The following DLC1 variants were observed in gnomAD, a reference collection of about 807,000 sequenced individuals.
DLC1 encodes the protein DLC1 Rho GTPase activating protein.
Under a neutral mutation model 140.3 loss-of-function variants are expected in DLC1, and 54 were observed. The ratio of observed to expected loss-of-function variants is 0.38; its 90% CI spans 0.31 to 0.48. The LOEUF (loss-of-function observed/expected upper bound fraction) is 0.48, where lower values mean the gene tolerates loss of function less well. Among genes scored for constraint, DLC1 ranks in the 20% least tolerant of loss-of-function variants. The pLI is 0.96. For missense variants in DLC1, 2,536 were observed against 1,907.0 expected, an observed-to-expected ratio of 1.33 and a Z score of -6.14; for synonymous variants, 986 against 728.1, an observed-to-expected ratio of 1.35 and a Z score of -5.70.
At chr8:13,195,471 T>C (rs1027777808) in intron 5 of DLC1, among the ~76,000 whole-genome samples, 6 of 152,228 alleles carry the variant, frequency 3.9e-5, no homozygotes, top group Non-Finnish European at 8.8e-5. Flanking sequence ...TACAGCTCTT[T>C]GCTACTTAGA....
intron 5 of DLC1, among the ~76,000 whole-genome samples, chr8:13,125,083 TCTC>T (rs1821438126): frequency 6.6e-6 from 1 of 152,066 alleles, no homozygotes; most frequent in Admixed American, 6.5e-5. Context: ...TTCAAGCCAT[TCTC>T]CTTCCTCACC....
rs372558780 is a variant in DLC1 at position 13,402,681 on chromosome 8, T to C, written c.1024-1062A>G. Reference sequence around the variant, plus strand: ...TACATCTTGACAGAAGCCTGAGGGCTATCAGTACAGTGATTGCAGATTGAG... The same window carrying C: ...TACATCTTGACAGAAGCCTGAGGGCCATCAGTACAGTGATTGCAGATTGAG... On this transcript the variant is annotated intron_variant, in intron 2 of 17. Transcript: ENST00000276297. Among the ~76,000 whole-genome samples, 21 of 152,364 alleles carry C rather than the reference T, an allele frequency of 1.4e-4. No homozygotes were observed. In the East Asian group the frequency reaches 3.3e-3, roughly 24 times the overall value.
chr8:13,186,252 T>A (rs1366531126), intron 5 of DLC1, among the ~76,000 whole-genome samples: 1 of 152,226 alleles, frequency 6.6e-6, no homozygotes, highest in Non-Finnish European at 1.5e-5. Context: ...TTTTCCAATT[T>A]GGTTCCATTC....
At chr8:13,526,674 A>G (rs1341943820) in intron 1 of DLC1, among the ~76,000 whole-genome samples, 1 of 152,160 alleles carries the variant, frequency 6.6e-6, no homozygotes, top group Non-Finnish European at 1.5e-5. Flanking sequence ...TCGCAAGGAC[A>G]GAAAGCCAAA....
rs117001705 is a variant in DLC1, at chr8:13,585,609, C to T, written c.-126+18928G>A. Among the ~76,000 whole-genome samples the T allele has an allele frequency of 6.2e-3, 947 of 152,184 alleles. 8 individuals are homozygous for T. The highest frequency in any genetic ancestry group is 0.011 in the Non-Finnish European group (730 of 67,982). ...CTCTGAGTTCCGAAGGCTGGAAGTC[C>T]GAAATTGAGGTATCACCAGGGTTTG... is the stretch of plus-strand genomic sequence containing the variant. On this transcript the variant is annotated intron_variant, in intron 1 of 1. Transcript: ENST00000631382.
At chr8:13,227,814 C>G (rs185807323) in intron 5 of DLC1, among the ~76,000 whole-genome samples, 2 of 152,328 alleles carry the variant, frequency 1.3e-5, no homozygotes, top group East Asian at 3.9e-4. Context: ...ATTTGGGCAT[C>G]ACATACAAAT....
intron 1 of DLC1, among the ~76,000 whole-genome samples, chr8:13,528,719 A>G (rs1035242421): frequency 1.3e-5 from 2 of 152,142 alleles, no homozygotes; most frequent in African/African-American, 4.8e-5. Flanking sequence ...AGTTAAAATA[A>G]TATTTTGGGT....
intron 5 of DLC1, among the ~76,000 whole-genome samples, chr8:13,274,144 G>A (rs908527260): frequency 6.6e-6 from 1 of 152,150 alleles, no homozygotes; most frequent in Non-Finnish European, 1.5e-5. Context: ...GCAGCCATTA[G>A]TTCATGTTTG....
intron 2 of DLC1, among the ~76,000 whole-genome samples, chr8:13,436,300 A>G (rs573418191): frequency 6.6e-6 from 1 of 152,324 alleles, no homozygotes; most frequent in East Asian, 1.9e-4. Context: ...AAAAGAGACT[A>G]ATTCTACACC....
rs191943090 is a variant in DLC1, at chr8:13,125,784, T to C, written c.1349-10127A>G. Among the ~76,000 whole-genome samples, 1,076 of 151,906 alleles carry C rather than the reference T, an allele frequency of 7.1e-3. 7 individuals carry two copies. The highest frequency in any genetic ancestry group is 0.016 in the South Asian group (77 of 4,796). On this transcript the variant is annotated intron_variant, in intron 5 of 17. Coordinates refer to ENST00000276297, the MANE Select transcript of DLC1 (RefSeq NM_182643.3). ...TGCTTGAGATTTGGAGACATACATA[T>C]ACAGCTTTCTATTAAAGAACATTCC...
intron 4 of DLC1, among the ~76,000 whole-genome samples, chr8:13,362,213 G>C (rs775491276): frequency 5.9e-5 from 9 of 152,140 alleles, no homozygotes; most frequent in Non-Finnish European, 8.8e-5. Flanking sequence ...AGATGACCTC[G>C]ATGACACTTC....
Position 13,088,519 on chromosome 8 carries a change from T to C in DLC1, c.4260A>G (p.Ala1420=). 6.2e-7 allele frequency: 1 copy of C among 1,614,234 alleles called. No individual in the cohort carries two copies. The highest frequency in any genetic ancestry group is 8.5e-7 in the Non-Finnish European group (1 of 1,180,046). The part of the protein sequence containing the change: ...EIYQYVQNSM[A]PHPARDYVVL... ...CAACGTAGTCTCGAGCAGGATGAGGTGCCATACTGTTTTGGACATACTGGT... is the reference window on the plus strand; with the variant it reads ...CAACGTAGTCTCGAGCAGGATGAGGCGCCATACTGTTTTGGACATACTGGT... The change falls in exon 16 of 18, where the codon GCA becomes GCG. Residue 1420 remains alanine, a synonymous_variant. Transcript: ENST00000276297.
chr8:13,098,618 A>C, intron 9 of DLC1, 43 bp from the exon 10 acceptor site: 1 of 1,557,844 alleles, frequency 6.4e-7, no homozygotes, highest in Non-Finnish European at 8.7e-7. Flanking sequence ...AAGCCTTTTT[A>C]TTTGATTTTA....
intron 1 of DLC1, among the ~76,000 whole-genome samples, chr8:13,569,547 T>C (rs1804573972): frequency 6.6e-6 from 1 of 152,132 alleles, no homozygotes; most frequent in African/African-American, 2.4e-5. Flanking sequence ...CCTTTAGAAT[T>C]CCCCCATTAA....
intron 4 of DLC1, among the ~76,000 whole-genome samples, chr8:13,320,023 C>T (rs1210885858): frequency 2.0e-5 from 3 of 151,846 alleles, no homozygotes; most frequent in Non-Finnish European, 4.4e-5. Flanking sequence ...GGGGTTTCAC[C>T]ATGCTGGCCA....
At chr8:13,166,057 C>T (rs572312249) in intron 5 of DLC1, among the ~76,000 whole-genome samples, 10 of 152,170 alleles carry the variant, frequency 6.6e-5, no homozygotes, top group Non-Finnish European at 1.2e-4. Context: ...GCCACAAAAC[C>T]TATTCCCAAT....
Position 13,100,654 on chromosome 8 carries a change from G to T in DLC1, c.1683C>A (p.Asp561Glu), listed in dbSNP as rs201661577. The T allele has an allele frequency of 1.4e-4, 223 of 1,614,128 alleles. 1 individual carries two copies. In the East Asian group the frequency reaches 3.6e-3, roughly 26 times the overall value. Residue 561 changes from aspartate to glutamate, a missense_variant, in exon 9 of 18, where the codon GAC becomes GAA. Coordinates refer to ENST00000276297, the MANE Select transcript of DLC1 (RefSeq NM_182643.3). Reference protein sequence around the residue: ...EEFDVFSPKQDLVPGSPDDSH... With the variant: ...EEFDVFSPKQELVPGSPDDSH... ...AGTCGTCTGGGGACCCAGGGACCAG[G>T]TCTTGTTTTGGAGAAAAGACATCAA...
At chr8:13,557,444 G>C (rs1804087392) in intron 1 of DLC1, among the ~76,000 whole-genome samples, 1 of 152,170 alleles carries the variant, frequency 6.6e-6, no homozygotes, top group Non-Finnish European at 1.5e-5. Context: ...CCCGAAGGCA[G>C]GTGATATGGT....
At chr8:13,327,823 C>T (rs187412566) in intron 4 of DLC1, among the ~76,000 whole-genome samples, 33 of 152,188 alleles carry the variant, frequency 2.2e-4, no homozygotes, top group African/African-American at 7.9e-4. Context: ...AAATGAATGG[C>T]CATTAATTAA....
Sources: gnomAD v4.1 joint callset for allele counts (sites outside exome capture counted in the v4.1 genomes callset) on GRCh38, gnomAD v4.1.1 for gene constraint, MANE v1.5 for transcripts, NCBI Gene and HGNC (gene_info 2026-07-23, HGNC 2026-07-21) for gene names.